PCDHGA1: variants seen among roughly 807,000 people sequenced by gnomAD.
PCDHGA1 encodes protocadherin gamma-A1.
Under a neutral mutation model 58.0 loss-of-function variants are expected in PCDHGA1, and 32 were observed. That is an observed-to-expected ratio of 0.55 (90% confidence interval 0.42 to 0.74). PCDHGA1 has a LOEUF of 0.74. Ranked by LOEUF, PCDHGA1 falls within the 30% of genes least tolerant of loss-of-function variation. PCDHGA1 has a pLI of 0.00. For synonymous variants in PCDHGA1, 498 were observed against 501.1 expected, an observed-to-expected ratio of 0.99 and a Z score of 0.08; for missense variants, 1,205 against 1,182.3, an observed-to-expected ratio of 1.02 and a Z score of -0.28.
chr5:141,376,254 T>C (rs745835885), intron 1 of PCDHGA1: 3 of 1,614,098 alleles, frequency 1.9e-6, no homozygotes, highest in Non-Finnish European at 2.5e-6. Context: ...AAGTCACGCC[T>C]GCTGCAGGCT....
At chr5:141,366,305 A>C in intron 1 of PCDHGA1, 2 of 1,613,708 alleles carry the variant, frequency 1.2e-6, no homozygotes, top group South Asian at 1.1e-5. Flanking sequence ...AGCCACCTTC[A>C]CGGTCACCGT....
intron 1 of PCDHGA1, among the ~76,000 whole-genome samples, chr5:141,480,866 G>A (rs1329444129): frequency 6.6e-6 from 1 of 152,142 alleles, no homozygotes; most frequent in Non-Finnish European, 1.5e-5. Flanking sequence ...CCAATATGGT[G>A]AAACCCCGTC....
Position 141,431,363 on chromosome 5 carries a change from C to A in PCDHGA1, c.2422-63444C>A. ...ATTGGTGCTGAAACGCGCCCTGGAC[C>A]GCGAAGAAAAGGCTGCTCACCACCT... On this transcript the variant is annotated intron_variant, in intron 1 of 3. Transcript: ENST00000517417. The surrounding 1 kb of genome is among the most constrained non-coding windows in gnomAD (Gnocchi z 4.8). 1 of 1,614,024 alleles carries A rather than the reference C, an allele frequency of 6.2e-7. No homozygotes were observed. Among genetic ancestry groups the A allele is most frequent in the Non-Finnish European group, 8.5e-7 (1 of 1,180,028 alleles).
At chr5:141,443,538 G>A (rs768723399) in intron 1 of PCDHGA1, among the ~76,000 whole-genome samples, 2 of 152,118 alleles carry the variant, frequency 1.3e-5, no homozygotes, top group African/African-American at 4.8e-5. Flanking sequence ...TTTAAAGCTT[G>A]GGAAATTGTT....
chr5:141,472,980 C>CAAAAAAAAAAAAAAAAAGAAAAAAAA (rs2099309731), intron 1 of PCDHGA1, among the ~76,000 whole-genome samples: 1 of 86,100 alleles, frequency 1.2e-5, no homozygotes, highest in African/African-American at 3.9e-5. Flanking sequence ...GAGTGAAACT[C>CAAAAAAAAAAAAAAAAAGAAAAAAAA]AAAAAAAAAA....
rs2099391747 is a variant in PCDHGA1 at position 141,476,440 on chromosome 5, G to A, written c.2422-18367G>A. Reference sequence around the variant, plus strand: ...CACTGCCCTCTTGCACTGTAACTCTGGAGTTGGTAGTGGAGAACCCGCTGG... The same window carrying A: ...CACTGCCCTCTTGCACTGTAACTCTAGAGTTGGTAGTGGAGAACCCGCTGG... On this transcript the variant is annotated intron_variant, in intron 1 of 3. Transcript: ENST00000517417. The surrounding 1 kb of genome is among the most constrained non-coding windows in gnomAD (Gnocchi z 7.6). 1.2e-6 allele frequency: 2 copies of A among 1,613,998 alleles called. No individual in the cohort carries two copies. Among genetic ancestry groups the A allele is most frequent in the African/African-American group, 2.7e-5 (2 of 74,902 alleles).
rs541220236 is a variant in PCDHGA1, at chr5:141,382,835, C to A, written c.2421+49730C>A. On this transcript the variant is annotated intron_variant, in intron 1 of 3. Transcript: ENST00000517417. Reference sequence around the variant, plus strand: ...CCTTCCTAAGACAGAGGGGTCCACCCGGATACACCCGCATTCTGAAGCACT... The same window carrying A: ...CCTTCCTAAGACAGAGGGGTCCACCAGGATACACCCGCATTCTGAAGCACT... The A allele has an allele frequency of 2.7e-4, 387 of 1,431,176 alleles. 2 individuals carry two copies. In the Middle Eastern group the frequency reaches 2.8e-3, roughly 10 times the overall value. The allele number at this position is 1,431,176 out of a possible 1,614,324, so 88.7% of individuals were successfully genotyped here. A position where few individuals can be genotyped will look rare whatever the true frequency, so the allele number is the denominator to read the frequency against.
At position 141,485,260 on chromosome 5, in the gene PCDHGA1, G is replaced by A. The variant is rs773919574; in HGVS notation, c.2422-9547G>A. On this transcript the variant is annotated intron_variant, in intron 1 of 3. Transcript: ENST00000517417. This position sits in a 1 kb window ranked among gnomAD's most constrained non-coding sequence, Gnocchi z 5.7. ...TTTACCACCTGGGTTACGTTTGTGG[G>A]CAGATCCGCTACCCGGTCCCAGAGG... The A allele has an allele frequency of 8.7e-6, 14 of 1,614,002 alleles. No individual in the cohort carries two copies. In the African/African-American group the frequency reaches 1.5e-4, roughly 17 times the overall value.
chr5:141,365,782 C>T (rs369080489), intron 1 of PCDHGA1: 274 of 1,613,792 alleles, frequency 1.7e-4, no homozygotes, highest in Non-Finnish European at 2.2e-4. Context: ...GCGGCGACAA[C>T]GCTCGAGTCA....
intron 1 of PCDHGA1, among the ~76,000 whole-genome samples, chr5:141,438,655 T>C (rs1436221152): frequency 7.1e-6 from 1 of 140,042 alleles, no homozygotes; most frequent in Non-Finnish European, 1.5e-5. Flanking sequence ...CACACACATA[T>C]ATGTATATAT....
intron 1 of PCDHGA1, chr5:141,390,026 A>G (rs1442754847): frequency 1.2e-6 from 2 of 1,613,826 alleles, no homozygotes; most frequent in Admixed American, 1.7e-5. Flanking sequence ...TGCGCCTGCG[A>G]CGCTCCTCCA....
rs1280923293 is a variant in PCDHGA1 at position 141,478,837 on chromosome 5, G to A, written c.2422-15970G>A. ...AACTAACCAATCTTGCTAAGGGATG[G>A]TTAAGCTAAAACACAAGATCTCAGC... is the stretch of plus-strand genomic sequence containing the variant. On this transcript the variant is annotated intron_variant, in intron 1 of 3. Transcript: ENST00000517417. 3.5e-6 allele frequency: 5 copies of A among 1,428,112 alleles called. No homozygotes were observed. The African/African-American group carries it at 5.8e-5, about 16-fold the overall frequency. The allele number at this position is 1,428,112 out of a possible 1,614,324, so 88.5% of individuals were successfully genotyped here.
chr5:141,479,050 C>G (rs1484021560), intron 1 of PCDHGA1, among the ~76,000 whole-genome samples: 1 of 152,164 alleles, frequency 6.6e-6, no homozygotes, highest in South Asian at 2.1e-4. Context: ...ACCTCATTCT[C>G]AGATAATTTT....
chr5:141,352,298 C>G, intron 1 of PCDHGA1: 2 of 1,614,072 alleles, frequency 1.2e-6, no homozygotes, highest in East Asian at 2.2e-5. Flanking sequence ...GCCCTCTGAC[C>G]CCCAGACGGA....
intron 1 of PCDHGA1, chr5:141,372,333 C>G: frequency 6.2e-7 from 1 of 1,613,732 alleles, no homozygotes; most frequent in Non-Finnish European, 8.5e-7. Context: ...GGTCACTGTG[C>G]GTGATGGAGG....
At chr5:141,455,920 C>A (rs941360102) in intron 1 of PCDHGA1, among the ~76,000 whole-genome samples, 1 of 147,944 alleles carries the variant, frequency 6.8e-6, no homozygotes, top group Non-Finnish European at 1.5e-5. Flanking sequence ...TATTTTGAGA[C>A]GGAGTCTCGC....
At chr5:141,400,303 G>T (rs2094000375) in intron 1 of PCDHGA1, 1 of 1,613,908 alleles carries the variant, frequency 6.2e-7, no homozygotes, top group Non-Finnish European at 8.5e-7. Context: ...CTTCCAACCT[G>T]GTCTCTGTGT....
intron 1 of PCDHGA1, chr5:141,343,750 G>A: frequency 5.8e-6 from 2 of 341,884 alleles, no homozygotes; most frequent in Non-Finnish European, 1.0e-5. Context: ...ATGTGTCTGA[G>A]AGGATGCAGT....
At chr5:141,454,977 T>C (rs1357011192) in intron 1 of PCDHGA1, among the ~76,000 whole-genome samples, 6 of 151,508 alleles carry the variant, frequency 4.0e-5, no homozygotes, top group Non-Finnish European at 8.8e-5. Context: ...CTGGCTAATT[T>C]TTTAAAAAAT....
Sources: gnomAD v4.1 joint callset for allele counts (sites outside exome capture counted in the v4.1 genomes callset) on GRCh38, gnomAD v4.1.1 for gene constraint, Gnocchi (gnomAD v3.1) non-coding constraint, MANE v1.5 for transcripts, NCBI Gene and HGNC (gene_info 2026-07-23, HGNC 2026-07-21) for gene names.